Variants in AHCTF1 observed in about 807,000 individuals in gnomAD.
The protein encoded by AHCTF1 is AT-hook containing transcription factor 1, also known as protein ELYS.
AHCTF1 carries 24 observed loss-of-function variants against 248.4 expected under a neutral mutation model. The ratio of observed to expected loss-of-function variants is 0.10; its 90% CI spans 0.07 to 0.14. The LOEUF is 0.14. Among genes scored for constraint, AHCTF1 ranks in the 10% least tolerant of loss-of-function variants. AHCTF1 has a pLI of 1.00. For synonymous variants in AHCTF1, 786 were observed against 929.8 expected (o/e 0.85, Z 2.81); for missense variants, 2,206 against 2,636.2 (o/e 0.84, Z 3.57).
intron 24 of AHCTF1, among the ~76,000 whole-genome samples, chr1:246,873,906 G>A (rs917123189): frequency 2.6e-5 from 4 of 152,058 alleles, no homozygotes; most frequent in African/African-American, 9.7e-5. Flanking sequence ...ACTATTCAAC[G>A]ATAGGTGAAA....
At chr1:246,872,201 A>C (rs1662646284) in intron 24 of AHCTF1, among the ~76,000 whole-genome samples, 1 of 152,168 alleles carries the variant, frequency 6.6e-6, no homozygotes, top group Non-Finnish European at 1.5e-5. Context: ...CTAAAAGATA[A>C]AACAGATCAA....
intron 26 of AHCTF1, chr1:246,865,433 A>C (rs918260848): frequency 2.6e-5 from 4 of 152,200 alleles, no homozygotes; most frequent in African/African-American, 7.2e-5. Context: ...CTCTGTATCA[A>C]ACACAGCTTT....
intron 5 of AHCTF1, among the ~76,000 whole-genome samples, chr1:246,906,737 T>A (rs903210437): frequency 5.3e-5 from 8 of 152,216 alleles, no homozygotes; most frequent in African/African-American, 9.7e-5. Flanking sequence ...CAAATAGGCA[T>A]CTATTTAACG....
At chr1:246,915,004 A>C (rs1666045229) in intron 3 of AHCTF1, among the ~76,000 whole-genome samples, 6 of 152,194 alleles carry the variant, frequency 3.9e-5, no homozygotes, top group Admixed American at 3.9e-4. Context: ...ACCCAATCCA[A>C]GCAAGCCTTT....
In AHCTF1 at chr1:246,851,120, C is replaced by T. The variant is rs1323433429; in HGVS notation, c.4886G>A (p.Ser1629Asn). 16 of 1,613,932 alleles carry T rather than the reference C, an allele frequency of 9.9e-6. No individual in the cohort carries two copies. Among genetic ancestry groups the T allele is most frequent in the East Asian group, 2.2e-5 (1 of 44,874 alleles). ...NTATEEKLVCSGENDNHGQIA... is the reference protein window; with the variant it reads ...NTATEEKLVCNGENDNHGQIA... ...TTGTCCATGATTATCATTTTCCCCA[C>T]TGCATACAAGTTTTTCTTCAGTTGC... The change falls in exon 33 of 36, where the codon AGT becomes AAT. Residue 1629 changes from serine (S) to asparagine (N), a missense_variant. Transcript: ENST00000648844.
Position 246,867,758 on chromosome 1 carries a change from C to G in AHCTF1, c.3142G>C (p.Val1048Leu). The G allele has an allele frequency of 6.2e-7, 1 of 1,612,614 alleles. No individual in the cohort carries two copies. Among genetic ancestry groups the G allele is most frequent in the Non-Finnish European group, 8.5e-7 (1 of 1,179,150 alleles). The change falls in exon 25 of 36, where the codon GTG (valine) becomes CTG (leucine). Residue 1048 changes from valine (V) to leucine (L), a missense_variant. By Grantham distance (32) the Val-to-Leu change is conservative. Transcript: ENST00000648844. ...TTGATGAAAACAGATCTTGTCAACA[C>G]AGTTCCTGTTACAACTTGCTTTGGA... Reference protein sequence around the residue: ...AVPKQVVTGTVLTRSVFINNV... With the variant: ...AVPKQVVTGTLLTRSVFINNV...
chr1:246,878,084 G>A (rs1043631451), intron 21 of AHCTF1, among the ~76,000 whole-genome samples: 3 of 151,778 alleles, frequency 2.0e-5, no homozygotes, highest in Admixed American at 6.6e-5. Context: ...AGCAAAAATT[G>A]CAAAAGATTA....
At chr1:246,843,648 G>T in intron 34 of AHCTF1, 147 bp downstream of exon 34, 2 of 695,500 alleles carry the variant, frequency 2.9e-6, no homozygotes, top group Non-Finnish European at 3.8e-6. Flanking sequence ...CTTTTGGTAT[G>T]CATGACTGTT....
At chr1:246,907,434 A>G in intron 5 of AHCTF1, 117 bp downstream of exon 5, 1 of 879,796 alleles carries the variant, frequency 1.1e-6, no homozygotes, top group Non-Finnish European at 1.7e-6. Context: ...CATTCATTCA[A>G]TCATTAATCT....
At chr1:246,860,244 G>A (rs1210503547) in intron 29 of AHCTF1, among the ~76,000 whole-genome samples, 1 of 151,984 alleles carries the variant, frequency 6.6e-6, no homozygotes, top group Non-Finnish European at 1.5e-5. Context: ...CTCCAGCCTG[G>A]GCAACAGAGT....
intron 24 of AHCTF1, 89 bp from the exon 25 acceptor site, chr1:246,867,900 C>T: frequency 1.9e-6 from 1 of 532,522 alleles, no homozygotes; most frequent in Non-Finnish European, 2.8e-6. Flanking sequence ...CACCCCCCCC[C>T]CCACACACAC....
intron 26 of AHCTF1, 194 bp from the exon 27 acceptor site, chr1:246,864,310 G>T: frequency 1.8e-6 from 1 of 562,548 alleles, no homozygotes; most frequent in Non-Finnish European, 3.0e-6. Flanking sequence ...ACAGAATTAA[G>T]AACTGCACAT....
At chr1:246,843,738 TG>T (rs1660041317) in intron 34 of AHCTF1, 56 bp downstream of exon 34, 6 of 1,056,236 alleles carry the variant, frequency 5.7e-6, no homozygotes, top group Non-Finnish European at 7.1e-6. Context: ...TTAAAACATT[TG>T]TAAAAAAAAA....
At chr1:246,852,176 T>G (rs953423005) in intron 32 of AHCTF1, 6 of 152,428 alleles carry the variant, frequency 3.9e-5, no homozygotes, top group African/African-American at 9.7e-5. Flanking sequence ...GATGACAGAT[T>G]GGAAATAACC....
In AHCTF1 at chr1:246,840,903, G is replaced by A. The variant is rs770170583; in HGVS notation, c.6704C>T (p.Pro2235Leu). ...ASPADGVKSK[P>L]RKTTEVTGTG... Reference sequence around the variant, plus strand: ...TCCTGTCACTTCTGTAGTTTTTCTTGGTTTGCTCTTGACTCCGTCAGCTGG... The same window carrying A: ...TCCTGTCACTTCTGTAGTTTTTCTTAGTTTGCTCTTGACTCCGTCAGCTGG... Residue 2235 changes from proline (P) to leucine (L), a missense_variant, in exon 36 of 36, where the codon CCA becomes CTA. Physicochemically the swap from Pro to Leu is moderately conservative, Grantham distance 98. Coordinates refer to ENST00000648844, the MANE Select transcript of AHCTF1 (RefSeq NM_001323342.2). The A allele has an allele frequency of 6.8e-6, 11 of 1,613,266 alleles. No individual in the cohort carries two copies. In the Admixed American group the frequency reaches 8.3e-5, roughly 12 times the overall value.
intron 13 of AHCTF1, among the ~76,000 whole-genome samples, chr1:246,895,233 A>C (rs572954643): frequency 8.4e-4 from 128 of 152,310 alleles, no homozygotes; most frequent in Admixed American, 1.4e-3. Flanking sequence ...GTTAGATAAA[A>C]GTCTTAATTT....
intron 4 of AHCTF1, among the ~76,000 whole-genome samples, chr1:246,908,209 A>T (rs1665531497): frequency 6.6e-6 from 1 of 152,082 alleles, no homozygotes; most frequent in African/African-American, 2.4e-5. Flanking sequence ...AAGGGAATGT[A>T]TCAGACAACA....
intron 3 of AHCTF1, 82 bp downstream of exon 3, chr1:246,916,058 AAT>A (rs1666122328): frequency 6.8e-7 from 1 of 1,471,302 alleles, no homozygotes; most frequent in African/African-American, 1.4e-5. Flanking sequence ...GGGTCAGTGA[AAT>A]TTCAAAAAGT....
chr1:246,843,922 T>G lies in AHCTF1; in HGVS notation c.6398A>C (p.Lys2133Thr). The G allele has an allele frequency of 6.9e-7, 1 of 1,455,810 alleles. No individual in the cohort carries two copies. Among genetic ancestry groups the G allele is most frequent in the Non-Finnish European group, 9.1e-7 (1 of 1,101,758 alleles). 90.2% of individuals were successfully genotyped at this position (1,455,810 alleles called of 1,614,324 possible). The change falls in exon 34 of 36, where the codon AAA becomes ACA. Residue 2133 changes from lysine (K) to threonine (T), a missense_variant. Physicochemically the swap from Lys to Thr is moderately conservative, Grantham distance 78. Coordinates refer to ENST00000648844, the MANE Select transcript of AHCTF1 (RefSeq NM_001323342.2). ...SEVPRKAKAK[K>T]IEVPAQLKEL... ...TTTCAGCTGTGCAGGAACCTCTATT[T>G]TTTTAGCTAAAAAAAGTTGAAAAAA...
Sources: gnomAD v4.1 joint callset for allele counts (sites outside exome capture counted in the v4.1 genomes callset) on GRCh38, gnomAD v4.1.1 for gene constraint, MANE v1.5 for transcripts, NCBI Gene and HGNC (gene_info 2026-07-23, HGNC 2026-07-21) for gene names.